The following MAP3K20 variants were observed in gnomAD, a reference collection of about 807,000 sequenced individuals.
MAP3K20 encodes the protein mitogen-activated protein kinase kinase kinase 20, also known as HCCS-4.
MAP3K20 carries 40 observed loss-of-function variants against 85.7 expected under a neutral mutation model. That is an observed-to-expected ratio of 0.47 (90% CI 0.36 to 0.61). The LOEUF (loss-of-function observed/expected upper bound fraction) is 0.61, where lower values mean the gene tolerates loss of function less well. Ranked by LOEUF, MAP3K20 falls within the 20% of genes least tolerant of loss-of-function variation. The pLI is 0.00. For missense variants in MAP3K20, 817 were observed against 961.7 expected (o/e 0.85, Z 1.99); for synonymous variants, 325 against 327.7 (o/e 0.99, Z 0.09).
chr2:173,235,795 T>G (rs1684634337), intron 14 of MAP3K20, among the ~76,000 whole-genome samples: 2 of 152,218 alleles, frequency 1.3e-5, no homozygotes, highest in African/African-American at 4.8e-5. Flanking sequence ...CTCTACACCC[T>G]GCCCAAGAGT....
At chr2:173,244,201 G>A (rs775114196) in intron 16 of MAP3K20, among the ~76,000 whole-genome samples, 25 of 152,162 alleles carry the variant, frequency 1.6e-4, no homozygotes, top group Non-Finnish European at 3.2e-4. Flanking sequence ...ATGTTATAAA[G>A]TGGTGGATCA....
chr2:173,203,438 A>T (rs1258472258), intron 8 of MAP3K20, among the ~76,000 whole-genome samples: 2 of 152,186 alleles, frequency 1.3e-5, no homozygotes, highest in Non-Finnish European at 2.9e-5. Context: ...CTATTTACAT[A>T]TATCGCAAGT....
chr2:173,127,589 C>T (rs1017692884), intron 2 of MAP3K20, among the ~76,000 whole-genome samples: 2 of 151,982 alleles, frequency 1.3e-5, no homozygotes, highest in Non-Finnish European at 2.9e-5. Context: ...GTAAATAAAC[C>T]GAACCTTTCT....
intron 2 of MAP3K20, among the ~76,000 whole-genome samples, chr2:173,108,570 A>G (rs779235655): frequency 7.9e-5 from 12 of 152,172 alleles, no homozygotes; most frequent in Non-Finnish European, 1.3e-4. Context: ...ATTTGGAGGT[A>G]TTGTTCCATG....
intron 4 of MAP3K20, among the ~76,000 whole-genome samples, chr2:173,185,248 T>TA (rs1273183120): frequency 6.6e-6 from 1 of 151,588 alleles, no homozygotes; most frequent in Non-Finnish European, 1.5e-5. Flanking sequence ...CTCAAAAAAA[T>TA]AAAAAAAGGG....
intron 3 of MAP3K20, among the ~76,000 whole-genome samples, chr2:173,176,163 A>G (rs932253329): frequency 6.6e-6 from 1 of 152,124 alleles, no homozygotes; most frequent in Non-Finnish European, 1.5e-5. Context: ...TAAGACACCA[A>G]TTTAATTTCA....
At chr2:173,134,401 TATATATATATATATATA>T (rs1688719756) in intron 2 of MAP3K20, among the ~76,000 whole-genome samples, 3 of 9,128 alleles carry the variant, frequency 3.3e-4, no homozygotes. Flanking sequence ...TACATATATA[TATATATATATATATATA>T]TATATATATA....
At chr2:173,083,463 C>T (rs1244312087) in intron 1 of MAP3K20, among the ~76,000 whole-genome samples, 3 of 152,078 alleles carry the variant, frequency 2.0e-5, no homozygotes, top group African/African-American at 7.2e-5. Flanking sequence ...AAGCGATCCT[C>T]CTGCCTCAGC....
intron 2 of MAP3K20, among the ~76,000 whole-genome samples, chr2:173,118,158 C>CT (rs1483760176): frequency 5.9e-5 from 9 of 152,324 alleles, no homozygotes; most frequent in Non-Finnish European, 1.3e-4. Flanking sequence ...CGTTTCATCT[C>CT]TTTTCTCTTT....
intron 2 of MAP3K20, among the ~76,000 whole-genome samples, chr2:173,134,513 C>T (rs1362548682): frequency 2.1e-5 from 3 of 141,992 alleles, no homozygotes; most frequent in East Asian, 2.1e-4. Context: ...GTAATCCGCC[C>T]GTTTTGTCCT....
At chr2:173,118,807 T>G (rs1414334434) in intron 2 of MAP3K20, among the ~76,000 whole-genome samples, 2 of 152,166 alleles carry the variant, frequency 1.3e-5, no homozygotes, top group Non-Finnish European at 2.9e-5. Flanking sequence ...CTTCTTTCAC[T>G]CGAGAAATTA....
intron 2 of MAP3K20, among the ~76,000 whole-genome samples, chr2:173,121,553 A>G (rs911106584): frequency 2.6e-5 from 4 of 151,524 alleles, no homozygotes; most frequent in Non-Finnish European, 5.9e-5. Flanking sequence ...CGCCCGGCTA[A>G]TTTTTTTGTA....
intron 10 of MAP3K20, among the ~76,000 whole-genome samples, chr2:173,213,542 TTTTC>T (rs1400491650): frequency 2.0e-5 from 3 of 152,204 alleles, no homozygotes; most frequent in Non-Finnish European, 1.5e-5. Context: ...TTCATTTAGA[TTTTC>T]TTTTTTAATC....
intron 11 of MAP3K20, chr2:173,223,823 T>A (rs1684316616): frequency 1.0e-6 from 1 of 985,278 alleles, no homozygotes; most frequent in African/African-American, 1.7e-5. Flanking sequence ...ACTACCTGAC[T>A]TGAGTCAATG....
At chr2:173,251,855 A>G (rs548689824) in intron 16 of MAP3K20, among the ~76,000 whole-genome samples, 4 of 152,384 alleles carry the variant, frequency 2.6e-5, no homozygotes, top group Admixed American at 2.6e-4. Flanking sequence ...AAGGTGATCT[A>G]TAAAAGCCTG....
chr2:173,226,237 C>T, intron 11 of MAP3K20: 1 of 985,376 alleles, frequency 1.0e-6, no homozygotes. Context: ...CCCAGAATTA[C>T]TGTGCGTACA....
chr2:173,175,706 T>C (rs1328814388), intron 3 of MAP3K20, among the ~76,000 whole-genome samples: 2 of 152,188 alleles, frequency 1.3e-5, no homozygotes, highest in Non-Finnish European at 2.9e-5. Flanking sequence ...TCTGCTGCCA[T>C]TGTTGTTTTT....
chr2:173,151,887 A>G (rs1231654694), intron 2 of MAP3K20, among the ~76,000 whole-genome samples: 1 of 152,232 alleles, frequency 6.6e-6, no homozygotes, highest in Non-Finnish European at 1.5e-5. Flanking sequence ...GGTGTCAGCT[A>G]TTGTAATGTA....
chr2:173,159,338 T>C (rs1417046675), intron 2 of MAP3K20, among the ~76,000 whole-genome samples: 1 of 149,096 alleles, frequency 6.7e-6, no homozygotes, highest in Admixed American at 6.8e-5. Context: ...GTTGTTTCAA[T>C]GTATTTTACT....
Sources: allele counts gnomAD v4.1 joint callset (sites outside exome capture counted in the v4.1 genomes callset), GRCh38; gene constraint gnomAD v4.1.1; transcripts MANE v1.5; gene names NCBI Gene and HGNC (gene_info 2026-07-23, HGNC 2026-07-21).